The following KCNN2 variants were observed in gnomAD, a reference collection of about 807,000 sequenced individuals.
KCNN2 encodes the protein potassium calcium-activated channel subfamily N member 2.
A neutral mutation model predicts 55.5 loss-of-function variants in KCNN2; 24 were observed. The observed-to-expected ratio is 0.43, with a 90% CI of 0.31 to 0.61. The LOEUF is 0.61. Among genes scored for constraint, KCNN2 ranks in the 20% least tolerant of loss-of-function variants. The probability of loss-of-function intolerance (pLI) is 0.08; values close to 1 mark genes in which losing one functional copy is unlikely to be tolerated. For synonymous variants in KCNN2, 431 were observed against 336.1 expected, an observed-to-expected ratio of 1.28 and a Z score of -3.09; for missense variants, 754 against 853.6, an observed-to-expected ratio of 0.88 and a Z score of 1.45.
At position 114,371,283 on chromosome 5, in the gene KCNN2, T is replaced by C. The variant is rs1445152938; in HGVS notation, c.1218+7282T>C. 3.3e-5 allele frequency among the ~76,000 whole-genome samples: 5 copies of C among 152,248 alleles called. No individual in the cohort carries two copies. The East Asian group carries it at 7.7e-4, about 24-fold the overall frequency. On this transcript the variant is annotated intron_variant, in intron 2 of 7. Transcript: ENST00000673685. ...GGAAGTCTGTACCGGATATTTAAAT[T>C]TGGGAGTTATCAGCACAGAGACTAT...
chr5:114,261,879 G>T (rs79832838), intron 2 of KCNN2, among the ~76,000 whole-genome samples: 1 of 152,160 alleles, frequency 6.6e-6, no homozygotes, highest in Non-Finnish European at 1.5e-5. Context: ...AGAGCCCAGG[G>T]AGAGCTGGGC....
chr5:114,201,194 A>G (rs1753667201), intron 1 of KCNN2, among the ~76,000 whole-genome samples: 1 of 152,136 alleles, frequency 6.6e-6, no homozygotes, highest in Non-Finnish European at 1.5e-5. Flanking sequence ...TAAGTCCCAC[A>G]GCTGCCCATA....
intron 2 of KCNN2, among the ~76,000 whole-genome samples, chr5:114,304,435 A>G (rs1444935767): frequency 1.3e-5 from 2 of 152,060 alleles, no homozygotes; most frequent in African/African-American, 4.8e-5. Flanking sequence ...GAGCCTACCC[A>G]CCCTTATGAT....
chr5:114,244,119 G>T (rs1754700706), intron 2 of KCNN2, among the ~76,000 whole-genome samples: 1 of 152,122 alleles, frequency 6.6e-6, no homozygotes, highest in Admixed American at 6.5e-5. Flanking sequence ...AGAACTGAAA[G>T]GCAGCTGTTA....
At chr5:114,290,684 A>G (rs1430711736) in intron 2 of KCNN2, among the ~76,000 whole-genome samples, 1 of 151,864 alleles carries the variant, frequency 6.6e-6, no homozygotes. Flanking sequence ...TTGATTTGTG[A>G]TGTTGAACCA....
At chr5:114,118,657 C>T (rs977385510) in intron 1 of KCNN2, among the ~76,000 whole-genome samples, 1 of 151,996 alleles carries the variant, frequency 6.6e-6, no homozygotes, top group African/African-American at 2.4e-5. Context: ...TGCTGATTTG[C>T]ATGTGAATCT....
At chr5:114,194,126 C>T (rs1300100177) in intron 1 of KCNN2, among the ~76,000 whole-genome samples, 1 of 151,910 alleles carries the variant, frequency 6.6e-6, no homozygotes, top group East Asian at 1.9e-4. Flanking sequence ...ATATTACATA[C>T]AATATTATTC....
At chr5:114,251,151 A>G (rs1024431052) in intron 2 of KCNN2, among the ~76,000 whole-genome samples, 4 of 152,096 alleles carry the variant, frequency 2.6e-5, no homozygotes, top group Non-Finnish European at 5.9e-5. Context: ...AAGGGGTGCA[A>G]GTGTTTTCCG....
chr5:114,493,646 T>G (rs1277486182), intron 7 of KCNN2, among the ~76,000 whole-genome samples, 174 bp downstream of exon 7: 1 of 152,046 alleles, frequency 6.6e-6, no homozygotes, highest in Admixed American at 6.6e-5. Flanking sequence ...TAACTCTCAT[T>G]TAATGTACTC....
At chr5:114,097,346 A>T (rs866304873) in intron 1 of KCNN2, among the ~76,000 whole-genome samples, 2 of 152,178 alleles carry the variant, frequency 1.3e-5, no homozygotes, top group Non-Finnish European at 2.9e-5. Context: ...ATTTAAAAGG[A>T]TAAAGACTGT....
At chr5:114,475,479 T>C (rs1761924008) in intron 5 of KCNN2, among the ~76,000 whole-genome samples, 1 of 152,164 alleles carries the variant, frequency 6.6e-6, no homozygotes, top group South Asian at 2.1e-4. Context: ...AAGGACAGTC[T>C]CTCTTAAAAG....
At chr5:114,081,922 C>T (rs1249596498) in intron 1 of KCNN2, among the ~76,000 whole-genome samples, 2 of 151,694 alleles carry the variant, frequency 1.3e-5, no homozygotes, top group Non-Finnish European at 2.9e-5. Flanking sequence ...TCAACAAAAG[C>T]AAACTAATTT....
At chr5:114,056,486 T>C in exon 1 of KCNN2, 1 of 398,626 alleles carries the variant, frequency 2.5e-6, no homozygotes, top group South Asian at 1.3e-4. Flanking sequence ...GCGGGACTCC[T>C]GGTTGCAGAA....
chr5:114,270,081 C>T (rs1755297229), intron 2 of KCNN2, among the ~76,000 whole-genome samples: 1 of 152,200 alleles, frequency 6.6e-6, no homozygotes, highest in Non-Finnish European at 1.5e-5. Flanking sequence ...TGACAAGCAT[C>T]TGCTCCAGGC....
Position 114,212,069 on chromosome 5 carries a change from G to A in KCNN2, c.-270-9411G>A, listed in dbSNP as rs143613928. Among the ~76,000 whole-genome samples the A allele has an allele frequency of 2.6e-3, 398 of 151,536 alleles. 1 individual carries two copies. The highest frequency in any genetic ancestry group is 9.2e-3 in the African/African-American group (380 of 41,376). ...TAAGTGTATATCTTATACTTAATTC[G>A]ATAACTATGTCAGTCATAATGCCAA... On this transcript the variant is annotated intron_variant, in intron 1 of 10. Coordinates refer to the KCNN2 transcript ENST00000512097.
intron 6 of KCNN2, chr5:114,490,651 T>C (rs1236402482): frequency 2.5e-6 from 1 of 397,980 alleles, no homozygotes; most frequent in East Asian, 3.6e-5. Context: ...CAGTTTCTTT[T>C]CTTTTGTTTT....
chr5:114,079,413 T>A (rs900886136), intron 1 of KCNN2, among the ~76,000 whole-genome samples: 3 of 152,176 alleles, frequency 2.0e-5, no homozygotes, highest in African/African-American at 7.2e-5. Flanking sequence ...CAAGTTAAAC[T>A]CTTTCTTAAT....
chr5:114,401,273 G>T (rs1328613138), intron 2 of KCNN2, among the ~76,000 whole-genome samples: 1 of 152,138 alleles, frequency 6.6e-6, no homozygotes, highest in Non-Finnish European at 1.5e-5. Context: ...GAACATTTTA[G>T]TGAGGAAGTT....
Position 114,265,145 on chromosome 5 carries a change from A to T in KCNN2, c.-185+43580A>T, listed in dbSNP as rs150604286. ...TTTTACAATGAGCAAATTGAGATTC[A>T]GGGTAAGTAACTTTTCTATATCCCC... On this transcript the variant is annotated intron_variant, in intron 2 of 10. Transcript: ENST00000512097. Among the ~76,000 whole-genome samples the T allele has an allele frequency of 2.2e-3, 334 of 152,254 alleles. 1 individual carries two copies. The highest frequency in any genetic ancestry group is 7.4e-3 in the African/African-American group (306 of 41,552).
Sources: allele counts gnomAD v4.1 joint callset (sites outside exome capture counted in the v4.1 genomes callset), GRCh38; gene constraint gnomAD v4.1.1; transcripts MANE v1.5; gene names NCBI Gene and HGNC (gene_info 2026-07-23, HGNC 2026-07-21).